TBC1D5: variants seen among roughly 807,000 people sequenced by gnomAD.
TBC1D5 encodes TBC1 domain family member 5.
In TBC1D5, 75 loss-of-function variants were observed where a neutral mutation model predicts 100.3. The ratio of observed to expected loss-of-function variants is 0.75; its 90% CI spans 0.62 to 0.91. The LOEUF (loss-of-function observed/expected upper bound fraction) is 0.91, where lower values mean the gene tolerates loss of function less well. Ranked by LOEUF, TBC1D5 falls within the 40% of genes least tolerant of loss-of-function variation. TBC1D5 has a pLI of 0.00. For synonymous variants in TBC1D5, 323 were observed against 325.6 expected, an observed-to-expected ratio of 0.99 and a Z score of 0.09; for missense variants, 910 against 942.4, an observed-to-expected ratio of 0.97 and a Z score of 0.45.
intron 1 of TBC1D5, among the ~76,000 whole-genome samples, chr3:17,687,800 C>A (rs2070529872): frequency 6.6e-6 from 1 of 152,150 alleles, no homozygotes; most frequent in Admixed American, 6.6e-5. Context: ...ATAAACTTAG[C>A]CCTTTGGTCA....
chr3:17,619,436 T>C (rs1216745264), intron 2 of TBC1D5, among the ~76,000 whole-genome samples: 2 of 152,026 alleles, frequency 1.3e-5, no homozygotes, highest in African/African-American at 4.8e-5. Context: ...ACAGTGCAAA[T>C]GAACAGAAAA....
intron 15 of TBC1D5, among the ~76,000 whole-genome samples, chr3:17,274,880 G>A (rs1338518846): frequency 6.6e-6 from 1 of 152,176 alleles, no homozygotes; most frequent in African/African-American, 2.4e-5. Context: ...ACTTTGGGCT[G>A]ACGATTTAGT....
intron 3 of TBC1D5, among the ~76,000 whole-genome samples, chr3:17,461,060 T>C (rs922176247): frequency 6.6e-6 from 1 of 152,200 alleles, no homozygotes; most frequent in African/African-American, 2.4e-5. Flanking sequence ...TAACTATTTA[T>C]GATAATTATT....
rs1279887360 is a variant in TBC1D5 at position 17,639,353 on chromosome 3, T to C, written c.-100-15440A>G. On this transcript the variant is annotated intron_variant, in intron 1 of 21. Transcript: ENST00000253692. ...AAACACTAAAAAATAAATAAATAAA[T>C]TGTTGCCTTTGGTTGGGGGAATGGG... Among the ~76,000 whole-genome samples the C allele has an allele frequency of 3.9e-5, 6 of 152,086 alleles. No individual in the cohort carries two copies. The East Asian group carries it at 9.6e-4, about 24-fold the overall frequency.
At chr3:17,630,572 T>C (rs1343489238) in intron 1 of TBC1D5, among the ~76,000 whole-genome samples, 1 of 152,040 alleles carries the variant, frequency 6.6e-6, no homozygotes, top group Non-Finnish European at 1.5e-5. Flanking sequence ...TTCTGCCATC[T>C]CTCCCCTTCT....
At chr3:17,218,683 T>C (rs148574962) in intron 17 of TBC1D5, among the ~76,000 whole-genome samples, 152 of 152,118 alleles carry the variant, frequency 1.0e-3, no homozygotes, top group Middle Eastern at 3.4e-3. Flanking sequence ...GGATATATAA[T>C]AGAATTCTAG....
At chr3:17,448,919 T>A (rs1202027865) in intron 3 of TBC1D5, among the ~76,000 whole-genome samples, 1 of 152,232 alleles carries the variant, frequency 6.6e-6, no homozygotes, top group African/African-American at 2.4e-5. Context: ...TACTGACTTC[T>A]CCTCTTTAGC....
At chr3:17,437,562 A>ATGTGTG (rs60714048) in intron 3 of TBC1D5, among the ~76,000 whole-genome samples, 5 of 139,954 alleles carry the variant, frequency 3.6e-5, no homozygotes, top group African/African-American at 1.0e-4. Flanking sequence ...GGTAGTATGC[A>ATGTGTG]TGTGTGTGTG....
intron 2 of TBC1D5, among the ~76,000 whole-genome samples, chr3:17,583,819 T>C (rs1576842596): frequency 6.6e-6 from 1 of 152,122 alleles, no homozygotes; most frequent in Non-Finnish European, 1.5e-5. Flanking sequence ...AAGTTAAACA[T>C]AGAATTACAA....
intron 4 of TBC1D5, among the ~76,000 whole-genome samples, chr3:17,418,518 G>A (rs1264228625): frequency 6.6e-6 from 1 of 151,852 alleles, no homozygotes; most frequent in Non-Finnish European, 1.5e-5. Flanking sequence ...TGAGGCATGA[G>A]AATCACTTGA....
chr3:17,527,131 A>T (rs1425078113), intron 2 of TBC1D5, among the ~76,000 whole-genome samples: 1 of 152,240 alleles, frequency 6.6e-6, no homozygotes, highest in Non-Finnish European at 1.5e-5. Flanking sequence ...CATATCAAGT[A>T]GCAACAACAC....
intron 15 of TBC1D5, among the ~76,000 whole-genome samples, chr3:17,276,897 A>G (rs1423784685): frequency 1.3e-5 from 2 of 152,150 alleles, no homozygotes; most frequent in Non-Finnish European, 2.9e-5. Flanking sequence ...TGCCATGCTA[A>G]TTTTTCATCC....
chr3:17,633,191 C>T (rs2063635870), intron 1 of TBC1D5, among the ~76,000 whole-genome samples: 1 of 152,182 alleles, frequency 6.6e-6, no homozygotes, highest in South Asian at 2.1e-4. Flanking sequence ...AATCCCAGCA[C>T]TTCAGGAGGC....
intron 2 of TBC1D5, chr3:17,519,138 G>C (rs2096031950): frequency 6.6e-6 from 1 of 152,330 alleles, no homozygotes; most frequent in Admixed American, 6.5e-5. Flanking sequence ...GGAAGAGGCA[G>C]TGCATGCACA....
At chr3:17,183,220 C>A (rs994076761) in intron 19 of TBC1D5, among the ~76,000 whole-genome samples, 1 of 152,160 alleles carries the variant, frequency 6.6e-6, no homozygotes, top group African/African-American at 2.4e-5. Context: ...CGGACACAGA[C>A]CTTTAACTGC....
chr3:17,337,125 T>A lies in TBC1D5; in HGVS notation c.996-28991A>T, dbSNP rs1018755849. Reference sequence around the variant, plus strand: ...CTTGCACCAAAATTATCTGAGAGGTTTTTTTTTTTTTTTTTTTTTTAAGAT... The same window carrying A: ...CTTGCACCAAAATTATCTGAGAGGTATTTTTTTTTTTTTTTTTTTTAAGAT... On this transcript the variant is annotated intron_variant, in intron 13 of 21. Transcript: ENST00000253692. 4.3e-5 allele frequency among the ~76,000 whole-genome samples: 3 copies of A among 70,180 alleles called. No homozygotes were observed. In the South Asian group the frequency reaches 2.2e-3, roughly 51 times the overall value. 46.0% of individuals were successfully genotyped at this position (70,180 alleles called of 152,430 possible).
intron 1 of TBC1D5, among the ~76,000 whole-genome samples, chr3:17,716,077 A>G (rs1181594646): frequency 6.6e-6 from 1 of 152,176 alleles, no homozygotes; most frequent in Non-Finnish European, 1.5e-5. Context: ...AGAAAAATGA[A>G]AAAAGTTGGG....
intron 1 of TBC1D5, among the ~76,000 whole-genome samples, chr3:17,656,514 T>C (rs1577267862): frequency 6.6e-6 from 1 of 152,312 alleles, no homozygotes; most frequent in African/African-American, 2.4e-5. Context: ...CAAAATTACT[T>C]CCTATAATCT....
At chr3:17,570,850 C>G (rs2096622859) in intron 2 of TBC1D5, among the ~76,000 whole-genome samples, 1 of 151,896 alleles carries the variant, frequency 6.6e-6, no homozygotes. Context: ...GTTGCAACCT[C>G]TAAGTCCCCT....
Sources: allele counts gnomAD v4.1 joint callset (sites outside exome capture counted in the v4.1 genomes callset), GRCh38; gene constraint gnomAD v4.1.1; transcripts MANE v1.5; gene names NCBI Gene and HGNC (gene_info 2026-07-23, HGNC 2026-07-21).